VRK2: variants seen among roughly 807,000 people sequenced by gnomAD.
The protein encoded by VRK2 is serine/threonine-protein kinase VRK2.
VRK2 carries 60 observed loss-of-function variants against 57.6 expected under a neutral mutation model. The ratio of observed to expected loss-of-function variants is 1.04; its 90% CI spans 0.85 to 1.29. The LOEUF (loss-of-function observed/expected upper bound fraction) is 1.29, where lower values mean the gene tolerates loss of function less well. Among genes scored for constraint, VRK2 ranks in the 50% most tolerant of loss-of-function variants. VRK2 has a pLI of 0.00. For missense variants in VRK2, 705 were observed against 588.1 expected (o/e 1.20, Z -2.06); for synonymous variants, 231 against 199.2 (o/e 1.16, Z -1.35).
At chr2:58,015,997 T>G (rs1673569810) in intron 1 of VRK2, among the ~76,000 whole-genome samples, 1 of 152,134 alleles carries the variant, frequency 6.6e-6, no homozygotes, top group South Asian at 2.1e-4. Flanking sequence ...GGTAAATTTC[T>G]TCAAATGTTT....
chr2:58,140,151 C>G (rs1416074194), intron 11 of VRK2, among the ~76,000 whole-genome samples: 5 of 151,974 alleles, frequency 3.3e-5, no homozygotes, highest in African/African-American at 4.8e-5. Context: ...TCCAGGTTTT[C>G]TTTAGATATT....
intron 1 of VRK2, among the ~76,000 whole-genome samples, chr2:57,988,411 C>CACATACATGAGCTAGGCATCTACA (rs1294448866): frequency 6.6e-6 from 1 of 152,150 alleles, no homozygotes; most frequent in Non-Finnish European, 1.5e-5. Flanking sequence ...GTCTACATGA[C>CACATACATGAGCTAGGCATCTACA]TGAGCTAAGA....
chr2:58,071,909 A>G (rs1669410615), intron 2 of VRK2, among the ~76,000 whole-genome samples: 1 of 151,962 alleles, frequency 6.6e-6, no homozygotes, highest in South Asian at 2.1e-4. Context: ...CTTCCTATTT[A>G]TGAACATGAT....
At chr2:58,029,334 T>C (rs1674042606) in intron 2 of VRK2, among the ~76,000 whole-genome samples, 1 of 152,110 alleles carries the variant, frequency 6.6e-6, no homozygotes, top group Admixed American at 6.6e-5. Flanking sequence ...ACCATTCTTT[T>C]CTGTCTTAAA....
chr2:58,067,537 A>G (rs1668768747), intron 2 of VRK2, among the ~76,000 whole-genome samples: 1 of 151,920 alleles, frequency 6.6e-6, no homozygotes, highest in Non-Finnish European at 1.5e-5. Context: ...TCTTGATACA[A>G]GTTTATAGAT....
chr2:57,985,519 A>G (rs1436323804), intron 1 of VRK2, among the ~76,000 whole-genome samples: 2 of 152,082 alleles, frequency 1.3e-5, no homozygotes, highest in Non-Finnish European at 2.9e-5. Context: ...ATGTTTTAAT[A>G]CTGCTCCTAT....
chr2:58,150,152 A>G (rs1682783581), intron 12 of VRK2, among the ~76,000 whole-genome samples: 1 of 151,428 alleles, frequency 6.6e-6, no homozygotes, highest in South Asian at 2.1e-4. Context: ...ACCAGTTGGA[A>G]GTGTTGCACT....
chr2:57,988,449 T>C (rs549113515), intron 1 of VRK2, among the ~76,000 whole-genome samples: 267 of 152,306 alleles, frequency 1.8e-3, no homozygotes, highest in Non-Finnish European at 2.9e-3. Context: ...AAACATTATT[T>C]CTGGGTGTGT....
At chr2:57,991,682 C>T (rs1672770656) in intron 1 of VRK2, among the ~76,000 whole-genome samples, 1 of 151,976 alleles carries the variant, frequency 6.6e-6, no homozygotes, top group Non-Finnish European at 1.5e-5. Flanking sequence ...GGTGTGGTAG[C>T]TCACGCCTGT....
intron 1 of VRK2, among the ~76,000 whole-genome samples, chr2:58,013,858 C>CAAAAAA (rs60604486): frequency 1.4e-4 from 9 of 62,758 alleles, no homozygotes; most frequent in Non-Finnish European, 2.3e-4. Context: ...GACTCCGTCT[C>CAAAAAA]AAAAAAAAAA....
At chr2:57,922,848 T>A (rs1035328110) in intron 1 of VRK2, among the ~76,000 whole-genome samples, 5 of 151,968 alleles carry the variant, frequency 3.3e-5, no homozygotes, top group Non-Finnish European at 7.4e-5. Context: ...ATTCATTCTA[T>A]TTTTGTACTC....
intron 9 of VRK2, among the ~76,000 whole-genome samples, chr2:58,134,641 T>C (rs1172617778): frequency 7.6e-6 from 1 of 131,164 alleles, no homozygotes; most frequent in East Asian, 2.1e-4. Context: ...AAAAAAAGAA[T>C]ATGGACAGGC....
intron 7 of VRK2, among the ~76,000 whole-genome samples, chr2:58,104,401 A>G (rs1446277221): frequency 6.6e-6 from 1 of 151,934 alleles, no homozygotes; most frequent in African/African-American, 2.4e-5. Flanking sequence ...AATCAGTAGT[A>G]TTTCTATACA....
Position 58,135,208 on chromosome 2 carries a change from A to C in VRK2, c.856+9A>C. ...TTCTGGAAGCAGTTGCTGTAAGTCA[A>C]ATAATAACTTCAACCTTCTCTTACG... On this transcript the variant is annotated intron_variant, in intron 10 of 12. Coordinates refer to ENST00000340157, the MANE Select transcript of VRK2 (RefSeq NM_006296.7). The C allele has an allele frequency of 6.2e-7, 1 of 1,614,118 alleles. No homozygotes were observed. The highest frequency in any genetic ancestry group is 8.5e-7 in the Non-Finnish European group (1 of 1,179,992).
At chr2:58,056,981 C>A (rs983153608) in intron 2 of VRK2, among the ~76,000 whole-genome samples, 5 of 152,158 alleles carry the variant, frequency 3.3e-5, no homozygotes, top group African/African-American at 1.2e-4. Flanking sequence ...CATAACTTCT[C>A]TCTTTCTTTG....
chr2:57,963,437 T>C (rs1671820406), intron 1 of VRK2, among the ~76,000 whole-genome samples: 3 of 152,200 alleles, frequency 2.0e-5, no homozygotes, highest in Admixed American at 2.0e-4. Flanking sequence ...GTTCGGCAAA[T>C]CCTTAAATGA....
chr2:58,155,739 C>A (rs1236826937), intron 12 of VRK2, among the ~76,000 whole-genome samples: 4 of 147,694 alleles, frequency 2.7e-5, no homozygotes, highest in Non-Finnish European at 1.5e-5. Flanking sequence ...CCCTTGCCAC[C>A]TCCCCACCGC....
At chr2:57,945,887 G>C (rs1189905517) in intron 1 of VRK2, among the ~76,000 whole-genome samples, 1 of 152,152 alleles carries the variant, frequency 6.6e-6, no homozygotes, top group Non-Finnish European at 1.5e-5. Flanking sequence ...ATAGTGATCT[G>C]ACAAAGTGAT....
intron 1 of VRK2, among the ~76,000 whole-genome samples, chr2:57,925,530 G>A (rs1373088105): frequency 1.3e-5 from 2 of 151,662 alleles, no homozygotes; most frequent in Non-Finnish European, 2.9e-5. Context: ...AATTTCTGTG[G>A]TATTTGTTGA....
Sources: gnomAD v4.1 joint callset for allele counts (sites outside exome capture counted in the v4.1 genomes callset) on GRCh38, gnomAD v4.1.1 for gene constraint, MANE v1.5 for transcripts, NCBI Gene and HGNC (gene_info 2026-07-23, HGNC 2026-07-21) for gene names.